The following SMAD1 variants were observed in gnomAD, a reference collection of about 807,000 sequenced individuals.
The protein encoded by SMAD1 is SMAD family member 1, also known as MAD, mothers against decapentaplegic homolog 1.
Under a neutral mutation model 41.6 loss-of-function variants are expected in SMAD1, and 6 were observed. The observed-to-expected ratio is 0.14, with a 90% CI of 0.08 to 0.28. The LOEUF is 0.28. Ranked by LOEUF, SMAD1 falls within the 10% of genes least tolerant of loss-of-function variation. The pLI is 1.00. For missense variants in SMAD1, 379 were observed against 582.6 expected (o/e 0.65, Z 3.60); for synonymous variants, 206 against 203.2 (o/e 1.01, Z -0.12).
intron 1 of SMAD1, among the ~76,000 whole-genome samples, chr4:145,496,404 T>C (rs1353025908): frequency 6.6e-6 from 1 of 152,144 alleles, no homozygotes; most frequent in Non-Finnish European, 1.5e-5. Context: ...TTAAGAGACC[T>C]ATTTAATTAA....
intron 4 of SMAD1, chr4:145,545,909 G>A (rs1166664720): frequency 6.6e-6 from 1 of 152,152 alleles, no homozygotes; most frequent in Non-Finnish European, 1.5e-5. Context: ...TTGGAGATTT[G>A]TTAGTCTTAA....
At chr4:145,488,831 A>G (rs1728628124) in intron 1 of SMAD1, among the ~76,000 whole-genome samples, 1 of 152,226 alleles carries the variant, frequency 6.6e-6, no homozygotes, top group Admixed American at 6.5e-5. Flanking sequence ...GAGTATACAC[A>G]AACATGAAAA....
chr4:145,501,137 G>A (rs2126331277), intron 1 of SMAD1, among the ~76,000 whole-genome samples: 1 of 152,310 alleles, frequency 6.6e-6, no homozygotes, highest in East Asian at 1.9e-4. Context: ...GGTTTTGTCT[G>A]CCTTTTGTTT....
intron 2 of SMAD1, among the ~76,000 whole-genome samples, chr4:145,520,788 A>G (rs1355092547): frequency 2.0e-5 from 3 of 152,222 alleles, no homozygotes; most frequent in Non-Finnish European, 4.4e-5. Flanking sequence ...GACAAAAGTA[A>G]TATTACGGAC....
chr4:145,557,835 C>T lies in SMAD1; in HGVS notation c.1299C>T (p.Pro433=). 6.2e-7 allele frequency: 1 copy of T among 1,612,650 alleles called. No individual in the cohort carries two copies. Among genetic ancestry groups the T allele is most frequent in the Non-Finnish European group, 8.5e-7 (1 of 1,179,036 alleles). Residue 433 remains proline (P), a synonymous_variant, in exon 7 of 7, where the codon CCC becomes CCT. Coordinates refer to ENST00000302085, the MANE Select transcript of SMAD1 (RefSeq NM_005900.3). ...ACCGCCAGGATGTTACTAGCACCCCCTGCTGGATTGAGATACATCTGCACG... is the reference window on the plus strand; with the variant it reads ...ACCGCCAGGATGTTACTAGCACCCCTTGCTGGATTGAGATACATCTGCACG... The part of the protein sequence containing the change: ...EYHRQDVTST[P]CWIEIHLHGP...
chr4:145,504,467 CAAT>C lies in SMAD1; in HGVS notation c.-176-9967_-176-9965del, dbSNP rs372770148. On this transcript the variant is annotated intron_variant, in intron 1 of 6. Transcript: ENST00000302085. ...TTATCATTTTCCTTAAGGAGCTGTACAATAATCTTTCATGCTTTTTGTTAGGAA... is the reference window on the plus strand; with the variant it reads ...TTATCATTTTCCTTAAGGAGCTGTACAATCTTTCATGCTTTTTGTTAGGAA... Among the ~76,000 whole-genome samples the C allele has an allele frequency of 4.3e-4, 65 of 152,266 alleles. 1 individual carries two copies. The South Asian group carries it at 0.012, about 27-fold the overall frequency.
chr4:145,531,818 G>A (rs532925328), intron 2 of SMAD1, among the ~76,000 whole-genome samples: 17 of 151,194 alleles, frequency 1.1e-4, no homozygotes, highest in East Asian at 3.9e-4. Flanking sequence ...GCTTGTGTCC[G>A]TTACTTCTTT....
At chr4:145,512,725 G>C (rs1013361957) in intron 1 of SMAD1, among the ~76,000 whole-genome samples, 2 of 152,094 alleles carry the variant, frequency 1.3e-5, no homozygotes, top group African/African-American at 4.8e-5. Context: ...TTTCTATTCT[G>C]TTTTGTTTTG....
In SMAD1 at chr4:145,558,009, T is replaced by A. The variant is rs1479173714; in HGVS notation, c.*75T>A. ...TGAAGGATGGATGAGTCAGACACGATTGAGAACTGACAAAGGAGCCTTGAT... is the reference window on the plus strand; with the variant it reads ...TGAAGGATGGATGAGTCAGACACGAATGAGAACTGACAAAGGAGCCTTGAT... On this transcript the variant is annotated 3_prime_UTR_variant, in exon 7 of 7. Coordinates refer to ENST00000302085, the MANE Select transcript of SMAD1 (RefSeq NM_005900.3). 2 of 1,145,338 alleles carry A rather than the reference T, an allele frequency of 1.7e-6. No individual in the cohort carries two copies. Among genetic ancestry groups the A allele is most frequent in the Non-Finnish European group, 1.2e-6 (1 of 836,034 alleles). The allele number at this position is 1,145,338 out of a possible 1,614,324, so 70.9% of individuals were successfully genotyped here.
chr4:145,542,798 C>T (rs1732025650), intron 4 of SMAD1, 100 bp downstream of exon 4: 2 of 770,358 alleles, frequency 2.6e-6, no homozygotes, highest in South Asian at 3.7e-5. Flanking sequence ...AAGAGAGCTA[C>T]TTGAGAAAAA....
chr4:145,484,418 T>TG (rs1728361336), intron 1 of SMAD1: 1 of 152,200 alleles, frequency 6.6e-6, no homozygotes, highest in Non-Finnish European at 1.5e-5. Context: ...CAGGATGACA[T>TG]GGGGTCAGCC....
At chr4:145,529,908 A>G (rs892369628) in intron 2 of SMAD1, among the ~76,000 whole-genome samples, 1 of 152,224 alleles carries the variant, frequency 6.6e-6, no homozygotes, top group Non-Finnish European at 1.5e-5. Flanking sequence ...GGGATGAGGT[A>G]TAAGAATCTG....
At chr4:145,552,842 A>G (rs1489343896) in intron 5 of SMAD1, among the ~76,000 whole-genome samples, 1 of 152,144 alleles carries the variant, frequency 6.6e-6, no homozygotes, top group Admixed American at 6.6e-5. Context: ...ATATACTTTC[A>G]ATGTGTGGCC....
intron 2 of SMAD1, among the ~76,000 whole-genome samples, chr4:145,519,503 T>A (rs976909315): frequency 1.3e-5 from 2 of 151,356 alleles, no homozygotes; most frequent in East Asian, 1.9e-4. Flanking sequence ...TTTTTTTTTT[T>A]AATTAGCGAG....
At chr4:145,517,966 A>G (rs1171357401) in intron 2 of SMAD1, among the ~76,000 whole-genome samples, 1 of 126,908 alleles carries the variant, frequency 7.9e-6, no homozygotes, top group African/African-American at 2.5e-5. Flanking sequence ...GCTAAGATCT[A>G]TTTAATTTGA....
At chr4:145,554,535 T>C (rs1238852364) in intron 6 of SMAD1, among the ~76,000 whole-genome samples, 1 of 152,156 alleles carries the variant, frequency 6.6e-6, no homozygotes, top group Non-Finnish European at 1.5e-5. Context: ...TTTTTAGTGG[T>C]TTCAGTAAGC....
chr4:145,548,046 T>C (rs1223504927), intron 5 of SMAD1, among the ~76,000 whole-genome samples: 1 of 152,020 alleles, frequency 6.6e-6, no homozygotes, highest in African/African-American at 2.4e-5. Flanking sequence ...TAGGTAGGCA[T>C]AGGAGGACCC....
chr4:145,511,384 T>A (rs1470752610), intron 1 of SMAD1, among the ~76,000 whole-genome samples: 1 of 152,196 alleles, frequency 6.6e-6, no homozygotes, highest in Non-Finnish European at 1.5e-5. Flanking sequence ...GCAGTCCTCC[T>A]GCCTCTGCCC....
At chr4:145,546,142 CTG>C (rs924752931) in intron 4 of SMAD1, 1 of 155,894 alleles carries the variant, frequency 6.4e-6, no homozygotes, top group African/African-American at 2.4e-5. Context: ...AACACTGTAG[CTG>C]TGATAGTTAT....
Sources: allele counts gnomAD v4.1 joint callset (sites outside exome capture counted in the v4.1 genomes callset), GRCh38; gene constraint gnomAD v4.1.1; transcripts MANE v1.5; gene names NCBI Gene and HGNC (gene_info 2026-07-23, HGNC 2026-07-21).